The following MARCOL variants were observed in gnomAD, a reference collection of about 807,000 sequenced individuals.
MARCOL encodes MARCO-like protein.
Position 148,242,575 on chromosome 5 carries a change from G to A in MARCOL, c.179G>A (p.Gly60Asp), listed in dbSNP as rs1177420886. 1 of 398,184 alleles carries A rather than the reference G, an allele frequency of 2.5e-6. No individual in the cohort carries two copies. The highest frequency in any genetic ancestry group is 4.4e-6 in the Non-Finnish European group (1 of 225,904). The allele number at this position is 398,184 out of a possible 1,614,324, so 24.7% of individuals were successfully genotyped here. The change falls in exon 2 of 2, where the codon GGT becomes GAT. Residue 60 changes from glycine (G) to aspartate (D), a missense_variant. By Grantham distance (94) the Gly-to-Asp change is moderately conservative. Transcript: ENST00000638089. ...CAAAGAGATTCTAATAAGCAAGGAG[G>A]TAGTTATACACAAGGAAATCCAGGA... ...GGQRDSNKQG[G>D]SYTQGNPGTF...
intron 1 of MARCOL, among the ~76,000 whole-genome samples, chr5:148,241,575 A>G (rs9325090): frequency 0.79 from 116,834 of 148,822 alleles, 49,090 homozygotes; most frequent in Middle Eastern, 0.94. Context: ...CAATACTCTT[A>G]TACTTAGCTC....
At chr5:148,238,782 A>G (rs1755933004) in intron 1 of MARCOL, 136 bp downstream of exon 1, 3 of 393,640 alleles carry the variant, frequency 7.6e-6, no homozygotes, top group Non-Finnish European at 1.3e-5. Flanking sequence ...AAGAAGGTAA[A>G]TTTCTGACAA....
intron 1 of MARCOL, among the ~76,000 whole-genome samples, chr5:148,239,784 T>C (rs1005348656): frequency 6.6e-6 from 1 of 151,958 alleles, no homozygotes; most frequent in Non-Finnish European, 1.5e-5. Flanking sequence ...TGATGGCAGG[T>C]ACTGTAACTG....
chr5:148,241,524 CAA>C (rs71001486), intron 1 of MARCOL, among the ~76,000 whole-genome samples: 90,325 of 126,230 alleles, frequency 0.72, 33,520 homozygotes, highest in Middle Eastern at 0.87. Context: ...ACACTTCTAC[CAA>C]AAAAAAAAAA....
At chr5:148,241,613 GT>G (rs1458425394) in intron 1 of MARCOL, among the ~76,000 whole-genome samples, 5 of 148,586 alleles carry the variant, frequency 3.4e-5, no homozygotes, top group Non-Finnish European at 1.5e-5. Context: ...CTTATTTATT[GT>G]TTTTTAGATC....
chr5:148,243,512 A>C lies in MARCOL; in HGVS notation c.*258A>C. The C allele has an allele frequency of 2.8e-6, 1 of 354,672 alleles. No homozygotes were observed. 22.0% of individuals were successfully genotyped at this position (354,672 alleles called of 1,614,324 possible). A position where few individuals can be genotyped will look rare whatever the true frequency, so the allele number is the denominator to read the frequency against. ...GAAATATAGGGTCATCTGGCCAGGA[A>C]TGGAAGCCAGAGCCATCTAGCCATC... is the stretch of plus-strand genomic sequence containing the variant. On this transcript the variant is annotated 3_prime_UTR_variant, in exon 2 of 2. Transcript: ENST00000638089.
Position 148,238,527 on chromosome 5 carries a change from T to C in MARCOL, c.-71T>C, listed in dbSNP as rs939812658. On this transcript the variant is annotated 5_prime_UTR_variant, in exon 1 of 2. Transcript: ENST00000638089. ...CACGGTGGTAGTGAGCATGGTTTAT[T>C]TGAAGAGCACCTACTGCAGAGTTAG... 29 of 397,516 alleles carry C rather than the reference T, an allele frequency of 7.3e-5. No individual in the cohort carries two copies. The Middle Eastern group carries it at 1.9e-3, about 26-fold the overall frequency. 24.6% of individuals were successfully genotyped at this position (397,516 alleles called of 1,614,324 possible). A position where few individuals can be genotyped will look rare whatever the true frequency, so the allele number is the denominator to read the frequency against.
chr5:148,239,694 C>T lies in MARCOL; in HGVS notation c.49+1048C>T, dbSNP rs62387660. Among the ~76,000 whole-genome samples, 604 of 151,536 alleles carry T rather than the reference C, an allele frequency of 4.0e-3. 4 individuals carry two copies. The highest frequency in any genetic ancestry group is 6.4e-3 in the Non-Finnish European group (435 of 67,672). Reference sequence around the variant, plus strand: ...TAGAATTAGAGAAAGGAGAACAATACGTGTATGTGTGTGTGTTTTAAAGGG... The same window carrying T: ...TAGAATTAGAGAAAGGAGAACAATATGTGTATGTGTGTGTGTTTTAAAGGG... On this transcript the variant is annotated intron_variant, in intron 1 of 1. Coordinates refer to ENST00000638089, the MANE Select transcript of MARCOL (RefSeq NM_001363511.2).
chr5:148,240,580 C>T (rs1410316074), intron 1 of MARCOL, among the ~76,000 whole-genome samples: 2 of 151,790 alleles, frequency 1.3e-5, no homozygotes, highest in Non-Finnish European at 2.9e-5. Flanking sequence ...TTACTCTTTG[C>T]ACCTTTAGGA....
At position 148,243,152 on chromosome 5, in the gene MARCOL, T is replaced by G; in HGVS notation, c.756T>G (p.Ser252=). 1 of 399,468 alleles carries G rather than the reference T, an allele frequency of 2.5e-6. No homozygotes were observed. Among genetic ancestry groups the G allele is most frequent in the Non-Finnish European group, 4.4e-6 (1 of 226,684 alleles). The allele number at this position is 399,468 out of a possible 1,614,324, so 24.7% of individuals were successfully genotyped here. ...LSSHQGKPGS[S]SQQGNLHLSS... Reference sequence around the variant, plus strand: ...GCCATCAAGGGAAGCCAGGGTCATCTAGCCAACAAGGAAATCTACATTTAT... The same window carrying G: ...GCCATCAAGGGAAGCCAGGGTCATCGAGCCAACAAGGAAATCTACATTTAT... Residue 252 remains serine (S), a synonymous_variant, in exon 2 of 2, where the codon TCT becomes TCG. Coordinates refer to ENST00000638089, the MANE Select transcript of MARCOL (RefSeq NM_001363511.2).
In MARCOL at chr5:148,243,148, C is replaced by T. The variant is rs1755987600; in HGVS notation, c.752C>T (p.Ser251Leu). ...GLSSHQGKPGSSSQQGNLHLS... is the reference protein window; with the variant it reads ...GLSSHQGKPGLSSQQGNLHLS... ...TCTAGCCATCAAGGGAAGCCAGGGT[C>T]ATCTAGCCAACAAGGAAATCTACAT... The change falls in exon 2 of 2, where the codon TCA becomes TTA. Residue 251 changes from serine (S) to leucine (L), a missense_variant. Coordinates refer to ENST00000638089, the MANE Select transcript of MARCOL (RefSeq NM_001363511.2). The T allele has an allele frequency of 1.0e-5, 4 of 399,466 alleles. No individual in the cohort carries two copies. The East Asian group carries it at 1.4e-4, about 14-fold the overall frequency. The allele number at this position is 399,466 out of a possible 1,614,324, so 24.7% of individuals were successfully genotyped here.
At chr5:148,241,978 A>G (rs1264327742) in intron 1 of MARCOL, among the ~76,000 whole-genome samples, 1 of 152,174 alleles carries the variant, frequency 6.6e-6, no homozygotes, top group Non-Finnish European at 1.5e-5. Flanking sequence ...GATGGAAGTG[A>G]GAAGAATAAA....
chr5:148,242,417 A>AT (rs926077740), intron 1 of MARCOL, 29 bp from the exon 2 acceptor site: 3 of 397,724 alleles, frequency 7.5e-6, no homozygotes, highest in Non-Finnish European at 1.3e-5. Context: ...CTTTATTTTC[A>AT]TTTTTTTCTG....
chr5:148,242,431 G>T lies in MARCOL; in HGVS notation c.50-15G>T. On this transcript the variant is annotated splice_polypyrimidine_tract_variant and intron_variant, in intron 1 of 1. Coordinates refer to ENST00000638089, the MANE Select transcript of MARCOL (RefSeq NM_001363511.2). ...ACTTTATTTTCATTTTTTTCTGGTT[G>T]TGTTATTATTCCAGCATCTTCAACC... 1 of 397,916 alleles carries T rather than the reference G, an allele frequency of 2.5e-6. No individual in the cohort carries two copies. The highest frequency in any genetic ancestry group is 4.4e-6 in the Non-Finnish European group (1 of 225,644). 24.6% of individuals were successfully genotyped at this position (397,916 alleles called of 1,614,324 possible). A position where few individuals can be genotyped will look rare whatever the true frequency, so the allele number is the denominator to read the frequency against.
intron 1 of MARCOL, among the ~76,000 whole-genome samples, chr5:148,240,199 A>C (rs1195983148): frequency 6.6e-6 from 1 of 151,948 alleles, no homozygotes; most frequent in African/African-American, 2.4e-5. Flanking sequence ...CTGGCTAAAT[A>C]AATTATGATA....
Position 148,243,226 on chromosome 5 carries a change from G to A in MARCOL, c.830G>A (p.Gly277Asp), listed in dbSNP as rs1581154443. 21 of 398,760 alleles carry A rather than the reference G, an allele frequency of 5.3e-5. No homozygotes were observed. The East Asian group carries it at 6.8e-4, about 13-fold the overall frequency. The allele number at this position is 398,760 out of a possible 1,614,324, so 24.7% of individuals were successfully genotyped here. The change falls in exon 2 of 2, where the codon GGT becomes GAT. Residue 277 changes from glycine to aspartate, a missense_variant. By Grantham distance (94) the Gly-to-Asp change is moderately conservative. Coordinates refer to ENST00000638089, the MANE Select transcript of MARCOL (RefSeq NM_001363511.2). ...QGPSSKQRKPGSSSRQGNL is the reference protein window; with the variant it reads ...QGPSSKQRKPDSSSRQGNL ...CCTTCTAGCAAACAGAGGAAGCCAG[G>A]TTCATCCAGCCGTCAAGGAAATCTA...
rs1194121956 is a variant in MARCOL, at chr5:148,243,430, A to C, written c.*176A>C. 2 of 393,602 alleles carry C rather than the reference A, an allele frequency of 5.1e-6. No individual in the cohort carries two copies. The highest frequency in any genetic ancestry group is 8.9e-6 in the Non-Finnish European group (2 of 223,482). 24.4% of individuals were successfully genotyped at this position (393,602 alleles called of 1,614,324 possible). A position where few individuals can be genotyped will look rare whatever the true frequency, so the allele number is the denominator to read the frequency against. ...GGGAAGCCAGGGGCATCTAACCAGC[A>C]AGGAGATCTAGGATCTTCTAAGCAG... On this transcript the variant is annotated 3_prime_UTR_variant, in exon 2 of 2. Coordinates refer to ENST00000638089, the MANE Select transcript of MARCOL (RefSeq NM_001363511.2).
In MARCOL at chr5:148,238,666, T is replaced by C. The variant is rs1047439966; in HGVS notation, c.49+20T>C. On this transcript the variant is annotated intron_variant, in intron 1 of 1. Transcript: ENST00000638089. ...TCTCAGGTAAGAAAGTCACAGTCAA[T>C]AGCTTTCCTTCCAAATCTCAAAGGA... The C allele has an allele frequency of 2.5e-6, 1 of 398,002 alleles. No individual in the cohort carries two copies. Among genetic ancestry groups the C allele is most frequent in the African/African-American group, 2.1e-5 (1 of 48,574 alleles). The allele number at this position is 398,002 out of a possible 1,614,324, so 24.7% of individuals were successfully genotyped here.
In MARCOL at chr5:148,242,939, C is replaced by A. The variant is rs572277483; in HGVS notation, c.543C>A (p.Thr181=). Residue 181 remains threonine (T), a synonymous_variant, in exon 2 of 2, where the codon ACC becomes ACA. Transcript: ENST00000638089. The part of the protein sequence containing the change: ...SSQHGNLGSS[T]QKGNLGSSSL... The stretch of plus-strand genomic sequence containing the variant: ...AACACGGGAATCTAGGGTCATCAAC[C>A]CAGAAAGGGAATTTAGGATCTTCTA... The A allele has an allele frequency of 9.8e-5, 39 of 398,942 alleles. No homozygotes were observed. The highest frequency in any genetic ancestry group is 6.6e-4 in the African/African-American group (32 of 48,684). 24.7% of individuals were successfully genotyped at this position (398,942 alleles called of 1,614,324 possible).
Sources: allele counts gnomAD v4.1 joint callset (sites outside exome capture counted in the v4.1 genomes callset), GRCh38; gene constraint gnomAD v4.1.1; transcripts MANE v1.5; gene names NCBI Gene and HGNC (gene_info 2026-07-23, HGNC 2026-07-21).